ARL17A: variants seen among roughly 807,000 people sequenced by gnomAD.
ARL17A encodes the protein ADP-ribosylation factor-like 17-like.
At chr17:46,525,614 A>C (rs58275934), downstream of ARL17A, among the ~76,000 whole-genome samples, 2,750 of 112,244 alleles carry the variant, frequency 0.025, 31 homozygotes, top group African/African-American at 0.083. Flanking sequence ...TAATAATAAT[A>C]ATCATCATCA....
At chr17:46,548,978 C>G (rs1297493527), downstream of ARL17A, 1 of 1,612,452 alleles carries the variant, frequency 6.2e-7, no homozygotes, top group Admixed American at 1.7e-5. Context: ...CACGCTATTT[C>G]CATTTTAGAA....
the ARL17A span, among the ~76,000 whole-genome samples, chr17:46,501,419 C>T: frequency 6.6e-6 from 1 of 151,242 alleles, no homozygotes; most frequent in African/African-American, 2.5e-5. Context: ...AAATGATCCA[C>T]CCGCCTTCGC....
intron 4 of ARL17A, among the ~76,000 whole-genome samples, chr17:46,534,908 G>A (rs545883126): frequency 6.7e-6 from 1 of 149,838 alleles, no homozygotes; most frequent in Admixed American, 6.6e-5. Context: ...GCTGGGCGGA[G>A]GGGCTCCTCA....
intron 3 of ARL17A, among the ~76,000 whole-genome samples, chr17:46,541,614 G>A (rs1434876851): frequency 6.6e-6 from 1 of 150,826 alleles, no homozygotes; most frequent in African/African-American, 2.5e-5. Context: ...TATCACTACA[G>A]CTGGCCCTCC....
At chr17:46,551,285 G>A (rs1037939708), downstream of ARL17A, among the ~76,000 whole-genome samples, 21 of 149,960 alleles carry the variant, frequency 1.4e-4, 1 homozygote, top group African/African-American at 3.8e-4. Context: ...TCTTTTGTTC[G>A]ATTACATGAT....
chr17:46,532,112 T>C lies in ARL17A; in HGVS notation c.336-3253A>G, dbSNP rs558776786. Among the ~76,000 whole-genome samples the C allele has an allele frequency of 1.2e-3, 174 of 150,360 alleles. 11 individuals carry two copies. The highest frequency in any genetic ancestry group is 4.2e-3 in the African/African-American group (170 of 40,004). Reference sequence around the variant, plus strand: ...CGGGGTTTCAGCACGTTTATCAGGCTGCTCTCGAACTCCTAACCTCAGATG... The same window carrying C: ...CGGGGTTTCAGCACGTTTATCAGGCCGCTCTCGAACTCCTAACCTCAGATG... On this transcript the variant is annotated intron_variant, in intron 4 of 4. Coordinates refer to the ARL17A transcript ENST00000329240.
chr17:46,505,456 ATTTG>A, the ARL17A span, among the ~76,000 whole-genome samples: 1 of 99,082 alleles, frequency 1.0e-5, no homozygotes. Flanking sequence ...TTATCTAAAG[ATTTG>A]TTTATCTATT....
chr17:46,529,464 A>G (rs571653410), intron 4 of ARL17A, among the ~76,000 whole-genome samples: 27 of 107,144 alleles, frequency 2.5e-4, no homozygotes, highest in African/African-American at 8.0e-4. Flanking sequence ...TTTAATGTAT[A>G]AAATGAAGGA....
chr17:46,535,019 G>T (rs1480923161), intron 4 of ARL17A, among the ~76,000 whole-genome samples: 2 of 149,948 alleles, frequency 1.3e-5, no homozygotes, highest in African/African-American at 5.0e-5. Context: ...GTCGCGGCCG[G>T]GCAGAGGCGC....
At chr17:46,539,189 T>C (rs4416054) in intron 3 of ARL17A, among the ~76,000 whole-genome samples, 2 of 70,420 alleles carry the variant, frequency 2.8e-5, no homozygotes, top group Admixed American at 1.4e-4. Flanking sequence ...CCAGCCTGGG[T>C]GACAGAGTGA....
chr17:46,500,951 G>A, the ARL17A span, among the ~76,000 whole-genome samples: 6 of 151,270 alleles, frequency 4.0e-5, no homozygotes, highest in South Asian at 2.1e-4. Context: ...AGGCTGAAGC[G>A]GGTGGATCAC....
At chr17:46,535,219 T>C (rs1016794794) in intron 4 of ARL17A, among the ~76,000 whole-genome samples, 5 of 149,390 alleles carry the variant, frequency 3.3e-5, no homozygotes, top group East Asian at 3.9e-4. Flanking sequence ...GAAGAGAAAT[T>C]AGCTATTAAT....
At chr17:46,504,770 TTCTG>T in the ARL17A span, 1 of 77,454 alleles carries the variant, frequency 1.3e-5, no homozygotes, top group Non-Finnish European at 2.3e-5. Flanking sequence ...GGCAGAGGTT[TTCTG>T]TCTTACAATA....
chr17:46,535,052 G>A (rs2054454402), intron 4 of ARL17A, among the ~76,000 whole-genome samples: 1 of 149,088 alleles, frequency 6.7e-6, no homozygotes, highest in South Asian at 2.1e-4. Flanking sequence ...AGACGGGCAT[G>A]CCCAGTTATT....
At chr17:46,513,232 C>T (rs759830019), downstream of ARL17A, 2 of 776,740 alleles carry the variant, frequency 2.6e-6, no homozygotes, top group African/African-American at 3.1e-5. Flanking sequence ...ATCCACACCT[C>T]AGAGTCAGAA....
At chr17:46,529,606 C>A (rs1351446892) in intron 4 of ARL17A, among the ~76,000 whole-genome samples, 1 of 74,656 alleles carries the variant, frequency 1.3e-5, no homozygotes, top group East Asian at 2.6e-4. Context: ...CCCTGGAGTT[C>A]AAGTTCAGCC....
downstream of ARL17A, chr17:46,548,935 C>T (rs201311857): frequency 6.8e-5 from 110 of 1,612,548 alleles, 5 homozygotes; most frequent in African/African-American, 1.3e-3. Context: ...AAAAGCCCTA[C>T]CACAGGTGAG....
intron 3 of ARL17A, among the ~76,000 whole-genome samples, chr17:46,569,195 GC>G (rs2057635283): frequency 6.6e-6 from 1 of 151,736 alleles, no homozygotes; most frequent in African/African-American, 2.4e-5. Flanking sequence ...TGATCCACCA[GC>G]CTTGGCTTCC....
chr17:46,525,614 A>AATC (rs745821194), downstream of ARL17A, among the ~76,000 whole-genome samples: 482 of 114,316 alleles, frequency 4.2e-3, 31 homozygotes, highest in African/African-American at 0.011. Flanking sequence ...TAATAATAAT[A>AATC]ATCATCATCA....
Sources: allele counts gnomAD v4.1 joint callset (sites outside exome capture counted in the v4.1 genomes callset), GRCh38; gene constraint gnomAD v4.1.1; transcripts MANE v1.5; gene names NCBI Gene and HGNC (gene_info 2026-07-23, HGNC 2026-07-21).